Variants in RAB3D observed in about 807,000 individuals in gnomAD.
The protein encoded by RAB3D is RAB3D, member RAS oncogene family, also known as ras-related protein Rab-3D.
In RAB3D, 17 loss-of-function variants were observed where a neutral mutation model predicts 19.3. That is an observed-to-expected ratio of 0.88 (90% CI 0.60 to 1.32). The LOEUF is 1.32. Ranked by LOEUF, RAB3D falls within the 40% of genes most tolerant of loss-of-function variation. RAB3D has a pLI of 0.00. For synonymous variants in RAB3D, 103 were observed against 119.9 expected, an observed-to-expected ratio of 0.86 and a Z score of 0.92; for missense variants, 223 against 299.1, an observed-to-expected ratio of 0.75 and a Z score of 1.88.
rs369160418 is a variant in RAB3D, at chr19:11,335,537, C to T, written c.382G>A (p.Ala128Thr). 44 of 1,613,952 alleles carry T rather than the reference C, an allele frequency of 2.7e-5. No homozygotes were observed. The highest frequency in any genetic ancestry group is 2.0e-4 in the African/African-American group (15 of 74,896). Residue 128 changes from alanine (A) to threonine (T), a missense_variant, in exon 4 of 5, where the codon GCC (alanine) becomes ACC (threonine). By Grantham distance (58) the Ala-to-Thr change is moderately conservative. Transcript: ENST00000222120. ...TQIKTYSWDN[A>T]QVILVGNKCD... ...TTGTTCCCCACCAGGATGACCTGGG[C>T]GTTGTCCCAGGAGTAGGTCTTGATT...
chr19:11,326,502 C>A (rs1184759528), intron 4 of RAB3D, among the ~76,000 whole-genome samples: 1 of 152,238 alleles, frequency 6.6e-6, no homozygotes, highest in Non-Finnish European at 1.5e-5. Flanking sequence ...AGTTCTGCTG[C>A]CCTGCGGCCA....
At chr19:11,325,614 G>C in intron 4 of RAB3D, 29 bp from the exon 5 acceptor site, 1 of 1,447,122 alleles carries the variant, frequency 6.9e-7, no homozygotes, top group Non-Finnish European at 9.1e-7. Context: ...GGGGACACTC[G>C]TAAGACCCCT....
intron 4 of RAB3D, among the ~76,000 whole-genome samples, chr19:11,334,080 C>G (rs750373124): frequency 1.3e-5 from 2 of 152,156 alleles, no homozygotes; most frequent in Non-Finnish European, 2.9e-5. Flanking sequence ...TGGGTAGTTG[C>G]CATAGAGACT....
rs78206083 is a variant in RAB3D, at chr19:11,327,141, G to A, written c.473-1556C>T. The stretch of plus-strand genomic sequence containing the variant: ...AATTACCCATTTATTATCTGTCTCC[G>A]CTACTAGAAAGCCAGCTCCAGGCAG... On this transcript the variant is annotated intron_variant, in intron 4 of 4. Transcript: ENST00000222120. 7.3e-3 allele frequency: 2,485 copies of A among 338,718 alleles called. 56 individuals carry two copies. Among genetic ancestry groups the A allele is most frequent in the African/African-American group, 0.048 (2,266 of 47,254 alleles). The allele number at this position is 338,718 out of a possible 1,614,324, so 21.0% of individuals were successfully genotyped here.
chr19:11,333,093 T>C (rs2080840758), intron 4 of RAB3D, among the ~76,000 whole-genome samples: 1 of 151,792 alleles, frequency 6.6e-6, no homozygotes, highest in Non-Finnish European at 1.5e-5. Context: ...TTTTTTTTTT[T>C]TTTTGAGAAA....
At position 11,323,768 on chromosome 19, in the gene RAB3D, G is replaced by A. The variant is rs2080794989; in HGVS notation, c.*1630C>T. On this transcript the variant is annotated 3_prime_UTR_variant, in exon 5 of 5. Coordinates refer to ENST00000222120, the MANE Select transcript of RAB3D (RefSeq NM_004283.4). ...TGCAGGAAGTCATTTTGGCTTCAGG[G>A]GCTGGGAGAGCAGACACAACCTCTG... 4 of 152,436 alleles carry A rather than the reference G, an allele frequency of 2.6e-5. No homozygotes were observed. The highest frequency in any genetic ancestry group is 2.6e-4 in the Admixed American group (4 of 15,288). The allele number at this position is 152,436 out of a possible 1,614,324, so 9.4% of individuals were successfully genotyped here.
intron 3 of RAB3D, 34 bp from the exon 4 acceptor site, chr19:11,335,605 G>A: frequency 1.2e-6 from 2 of 1,613,848 alleles, no homozygotes; most frequent in East Asian, 2.2e-5. Context: ...CATGAGCCGG[G>A]GGGGTTAGGG....
At chr19:11,330,875 G>C (rs541429932) in intron 4 of RAB3D, among the ~76,000 whole-genome samples, 7 of 151,908 alleles carry the variant, frequency 4.6e-5, no homozygotes, top group African/African-American at 1.7e-4. Flanking sequence ...AATTAGGCAG[G>C]TGTGGTGGAG....
Position 11,324,247 on chromosome 19 carries a change from C to T in RAB3D, c.*1151G>A, listed in dbSNP as rs929902336. 1 of 151,962 alleles carries T rather than the reference C, an allele frequency of 6.6e-6. No individual in the cohort carries two copies. The highest frequency in any genetic ancestry group is 2.5e-5 in the African/African-American group (1 of 40,778). The allele number at this position is 151,962 out of a possible 1,614,324, so 9.4% of individuals were successfully genotyped here. On this transcript the variant is annotated 3_prime_UTR_variant, in exon 5 of 5. Transcript: ENST00000222120. ...CTCCAGCCTGGGTGACAGAGCCAGACCATCTCAAAAAGAAAAAAAAAAAAA... is the reference window on the plus strand; with the variant it reads ...CTCCAGCCTGGGTGACAGAGCCAGATCATCTCAAAAAGAAAAAAAAAAAAA...
intron 4 of RAB3D, among the ~76,000 whole-genome samples, chr19:11,334,815 TG>T (rs2080846563): frequency 6.6e-6 from 1 of 151,844 alleles, no homozygotes; most frequent in Admixed American, 6.6e-5. Flanking sequence ...ACCAGCTACT[TG>T]GGAGGCTGAA....
At position 11,322,235 on chromosome 19, in the gene RAB3D, T is replaced by C. The variant is rs1477248163; in HGVS notation, c.*3163A>G. ...ATCAGGGAGGAGCCGGTAGCAGAAT[T>C]ATCCCGTTAACACTGAGACCACATT... On this transcript the variant is annotated 3_prime_UTR_variant, in exon 5 of 5. Transcript: ENST00000222120. The C allele has an allele frequency of 6.6e-6, 1 of 152,114 alleles. No individual in the cohort carries two copies. Among genetic ancestry groups the C allele is most frequent in the African/African-American group, 2.4e-5 (1 of 41,398 alleles). 9.4% of individuals were successfully genotyped at this position (152,114 alleles called of 1,614,324 possible).
chr19:11,329,726 G>C (rs911111219), intron 4 of RAB3D, among the ~76,000 whole-genome samples: 1 of 152,066 alleles, frequency 6.6e-6, no homozygotes, highest in African/African-American at 2.4e-5. Context: ...CCATCACCCA[G>C]GCTGGAACGC....
chr19:11,333,080 C>CTT (rs754729605), intron 4 of RAB3D, among the ~76,000 whole-genome samples: 86 of 137,172 alleles, frequency 6.3e-4, no homozygotes, highest in African/African-American at 2.0e-3. Flanking sequence ...AGAAATATTT[C>CTT]TTTTTTTTTT....
chr19:11,329,072 C>A (rs1314572252), intron 4 of RAB3D, among the ~76,000 whole-genome samples: 1 of 151,718 alleles, frequency 6.6e-6, no homozygotes, highest in African/African-American at 2.4e-5. Flanking sequence ...GGTGTGCCAC[C>A]ACACACAGCC....
rs566489231 is a variant in RAB3D, at chr19:11,338,964, A to T, written c.-62+505T>A. On this transcript the variant is annotated intron_variant, in intron 1 of 4. Transcript: ENST00000222120. ...GCCTGGATGCAGGCGGGGCAGAGGC[A>T]GAGACAGCCCTGGCACAGCTATTTC... Among the ~76,000 whole-genome samples, 11 of 152,316 alleles carry T rather than the reference A, an allele frequency of 7.2e-5. No individual in the cohort carries two copies. The South Asian group carries it at 2.1e-3, about 29-fold the overall frequency.
chr19:11,333,173 G>A (rs539123904), intron 4 of RAB3D, among the ~76,000 whole-genome samples: 2 of 149,972 alleles, frequency 1.3e-5, no homozygotes, highest in African/African-American at 4.9e-5. Context: ...TCCGCCTCCC[G>A]GGTTCACACC....
chr19:11,326,686 C>A, intron 4 of RAB3D: 1 of 653,292 alleles, frequency 1.5e-6, no homozygotes, highest in Non-Finnish European at 2.8e-6. Context: ...TCATTGCAGC[C>A]TCAACCTCCT....
Position 11,325,446 on chromosome 19 carries a change from C to G in RAB3D, c.612G>C (p.Pro204=), listed in dbSNP as rs146422241. ...GGGGGGCTGGAGCATCCCCCACGGC[C>G]GGGCCTTTCCCGTTGCTGCCTGAGC... ...SSSSGSNGKG[P]AVGDAPAPQP... is the part of the protein sequence containing the mutation. Residue 204 remains proline (P), a synonymous_variant, in exon 5 of 5, where the codon CCG becomes CCC. Transcript: ENST00000222120. 6.2e-7 allele frequency: 1 copy of G among 1,609,270 alleles called. No homozygotes were observed. The highest frequency in any genetic ancestry group is 1.3e-5 in the African/African-American group (1 of 74,966).
intron 4 of RAB3D, among the ~76,000 whole-genome samples, chr19:11,330,525 G>A (rs764443193): frequency 6.6e-6 from 1 of 152,130 alleles, no homozygotes; most frequent in Non-Finnish European, 1.5e-5. Flanking sequence ...GATCAGCCCA[G>A]ACAACATGGC....
Sources: allele counts gnomAD v4.1 joint callset (sites outside exome capture counted in the v4.1 genomes callset), GRCh38; gene constraint gnomAD v4.1.1; transcripts MANE v1.5; gene names NCBI Gene and HGNC (gene_info 2026-07-23, HGNC 2026-07-21).